The following PRKN variants were observed in gnomAD, a reference collection of about 807,000 sequenced individuals.
PRKN encodes E3 ubiquitin-protein ligase parkin.
A neutral mutation model predicts 59.5 loss-of-function variants in PRKN; 56 were observed. The ratio of observed to expected loss-of-function variants is 0.94; its 90% CI spans 0.76 to 1.18. PRKN has a LOEUF of 1.18. Among genes scored for constraint, PRKN ranks in the 50% most tolerant of loss-of-function variants. The pLI, the probability that PRKN is intolerant of heterozygous loss-of-function variation, is 0.00. For missense variants in PRKN, 657 were observed against 596.4 expected (o/e 1.10, Z -1.06); for synonymous variants, 250 against 222.1 (o/e 1.13, Z -1.12).
chr6:161,774,283 A>AC (rs1462335063), intron 7 of PRKN, among the ~76,000 whole-genome samples: 3 of 151,912 alleles, frequency 2.0e-5, no homozygotes, highest in Non-Finnish European at 2.9e-5. Flanking sequence ...CCTCCTCTCC[A>AC]CCAGCGTTAG....
At chr6:162,336,710 C>A (rs1783862524) in intron 2 of PRKN, among the ~76,000 whole-genome samples, 1 of 152,202 alleles carries the variant, frequency 6.6e-6, no homozygotes, top group African/African-American at 2.4e-5. Flanking sequence ...CATCAGAATA[C>A]TTTCCATAAA....
chr6:161,940,303 G>A (rs781609454), intron 6 of PRKN, among the ~76,000 whole-genome samples: 14 of 151,686 alleles, frequency 9.2e-5, no homozygotes, highest in African/African-American at 3.1e-4. Flanking sequence ...GAAAAGAAAA[G>A]AAAAAGAAAA....
intron 5 of PRKN, among the ~76,000 whole-genome samples, chr6:161,976,383 G>C (rs1201461468): frequency 6.6e-6 from 1 of 152,236 alleles, no homozygotes; most frequent in Non-Finnish European, 1.5e-5. Context: ...GGAGGCATGT[G>C]TGTGGAGTCT....
At chr6:162,407,696 C>G (rs983816429) in intron 2 of PRKN, among the ~76,000 whole-genome samples, 1 of 152,110 alleles carries the variant, frequency 6.6e-6, no homozygotes, top group African/African-American at 2.4e-5. Context: ...TAATGACTGA[C>G]ACAGTTACAG....
chr6:162,384,647 TAAAAAAAAAAAAAAAC>T (rs1394744670), intron 2 of PRKN, among the ~76,000 whole-genome samples: 88 of 93,440 alleles, frequency 9.4e-4, no homozygotes, highest in Non-Finnish European at 1.1e-3. Context: ...CTTCAATTTG[TAAAAAAAAAAAAAAAC>T]AAAAAAAAAA....
At chr6:162,436,193 A>T (rs1245151346) in intron 2 of PRKN, among the ~76,000 whole-genome samples, 1 of 150,730 alleles carries the variant, frequency 6.6e-6, no homozygotes, top group Non-Finnish European at 1.5e-5. Flanking sequence ...AAAAAAAAAA[A>T]AAAAAAAAAA....
At chr6:162,008,665 C>T (rs77552686) in intron 5 of PRKN, among the ~76,000 whole-genome samples, 3 of 151,982 alleles carry the variant, frequency 2.0e-5, no homozygotes, top group African/African-American at 7.2e-5. Context: ...TGGAACACTT[C>T]CCAATTTAAA....
intron 2 of PRKN, among the ~76,000 whole-genome samples, chr6:162,434,851 G>T (rs1789697545): frequency 6.6e-6 from 1 of 152,136 alleles, no homozygotes; most frequent in Non-Finnish European, 1.5e-5. Flanking sequence ...CAATCTTATT[G>T]TTCCTTGACA....
At chr6:161,757,756 TGAACCCGGGATGCA>T (rs1788988905) in intron 7 of PRKN, among the ~76,000 whole-genome samples, 1 of 151,240 alleles carries the variant, frequency 6.6e-6, no homozygotes, top group African/African-American at 2.4e-5. Context: ...GAGAATCGCT[TGAACCCGGGATGCA>T]GAGGTTGCAG....
intron 6 of PRKN, among the ~76,000 whole-genome samples, chr6:161,834,147 C>T (rs114904139): frequency 6.6e-6 from 1 of 151,730 alleles, no homozygotes; most frequent in Admixed American, 6.6e-5. Context: ...CTTCTCCATC[C>T]ACTCAGTCAG....
intron 6 of PRKN, among the ~76,000 whole-genome samples, chr6:161,886,959 A>C (rs1182380965): frequency 6.6e-6 from 1 of 152,194 alleles, no homozygotes; most frequent in Non-Finnish European, 1.5e-5. Flanking sequence ...GCTTGTCAAA[A>C]ACTTCTGAAG....
chr6:162,360,123 G>A (rs1785071733), intron 2 of PRKN, among the ~76,000 whole-genome samples: 1 of 151,968 alleles, frequency 6.6e-6, no homozygotes, highest in South Asian at 2.1e-4. Context: ...GCGGGTGTGG[G>A]TGTGTGGTAC....
intron 2 of PRKN, among the ~76,000 whole-genome samples, chr6:162,360,678 G>A (rs1785095588): frequency 6.6e-6 from 1 of 152,124 alleles, no homozygotes. Flanking sequence ...GAAGTCAAAA[G>A]TAAACACCGA....
intron 2 of PRKN, among the ~76,000 whole-genome samples, chr6:162,341,454 A>ATGT (rs1454354153): frequency 6.6e-6 from 1 of 152,178 alleles, no homozygotes; most frequent in African/African-American, 2.4e-5. Context: ...AGACACATGC[A>ATGT]CATGTATGTT....
rs1783677645 is a variant in PRKN at position 162,333,374 on chromosome 6, C to T, written c.172-70609G>A. Among the ~76,000 whole-genome samples, 4 of 152,174 alleles carry T rather than the reference C, an allele frequency of 2.6e-5. No homozygotes were observed. In the South Asian group the frequency reaches 8.3e-4, roughly 32 times the overall value. ...AAATTGAAGGTTTATGGCGACCGTG[C>T]ATCAAGCAAGTCCACAGGAGACATT... On this transcript the variant is annotated intron_variant, in intron 2 of 11. Coordinates refer to ENST00000366898, the MANE Select transcript of PRKN (RefSeq NM_004562.3).
At position 162,424,554 on chromosome 6, in the gene PRKN, T is replaced by G. The variant is rs191648189; in HGVS notation, c.171+18756A>C. 5.3e-4 allele frequency among the ~76,000 whole-genome samples: 80 copies of G among 151,670 alleles called. 1 individual carries two copies. In the East Asian group the frequency reaches 0.014, roughly 27 times the overall value. ...TTCAAGACCAGCCTGGCCAAGATGGTGAAATCCCGTCTCTACTAAAAATAC... is the reference window on the plus strand; with the variant it reads ...TTCAAGACCAGCCTGGCCAAGATGGGGAAATCCCGTCTCTACTAAAAATAC... On this transcript the variant is annotated intron_variant, in intron 2 of 11. Coordinates refer to ENST00000366898, the MANE Select transcript of PRKN (RefSeq NM_004562.3).
chr6:161,521,164 G>A (rs1000087816), intron 9 of PRKN, among the ~76,000 whole-genome samples: 3 of 152,096 alleles, frequency 2.0e-5, no homozygotes, highest in African/African-American at 7.2e-5. Context: ...TGAGTCTTAG[G>A]TTGGGTTGAT....
In PRKN at chr6:161,554,059, C is replaced by T. The variant is rs9365299; in HGVS notation, c.934-5056G>A. Among the ~76,000 whole-genome samples the T allele has an allele frequency of 0.47, 71,607 of 152,030 alleles. 17,195 individuals are homozygous for T. Among genetic ancestry groups the T allele is most frequent in the East Asian group, 0.67 (3,455 of 5,178 alleles). The stretch of plus-strand genomic sequence containing the variant: ...ATTGTTTCTAAGTCCTCTCAGTTCT[C>T]ACTTTGAAGGACAGGTATCTCAGAA... On this transcript the variant is annotated intron_variant, in intron 8 of 11. Coordinates refer to ENST00000366898, the MANE Select transcript of PRKN (RefSeq NM_004562.3). The surrounding 1 kb of genome is among the most constrained non-coding windows in gnomAD (Gnocchi z 4.5).
chr6:161,972,253 A>G (rs1780843564), intron 6 of PRKN, among the ~76,000 whole-genome samples: 1 of 150,550 alleles, frequency 6.6e-6, no homozygotes, highest in Non-Finnish European at 1.5e-5. Flanking sequence ...CAGCCTGAGC[A>G]ACAAGAGCGA....
Sources: allele counts gnomAD v4.1 joint callset (sites outside exome capture counted in the v4.1 genomes callset), GRCh38; gene constraint gnomAD v4.1.1; non-coding constraint Gnocchi (gnomAD v3.1); transcripts MANE v1.5; gene names NCBI Gene and HGNC (gene_info 2026-07-23, HGNC 2026-07-21).